TENM4: variants seen among roughly 807,000 people sequenced by gnomAD.
The protein encoded by TENM4 is teneurin-4.
A neutral mutation model predicts 243.3 loss-of-function variants in TENM4; 82 were observed. That is an observed-to-expected ratio of 0.34 (90% CI 0.28 to 0.40). The LOEUF (loss-of-function observed/expected upper bound fraction) is 0.40. TENM4 is among the 10% of genes least tolerant of loss of function. TENM4 has a pLI of 1.00. For synonymous variants in TENM4, 1,412 were observed against 1,456.3 expected, an observed-to-expected ratio of 0.97 and a Z score of 0.69; for missense variants, 3,138 against 3,673.3, an observed-to-expected ratio of 0.85 and a Z score of 3.77.
At chr11:79,337,596 CT>C (rs1320306120) in intron 1 of TENM4, among the ~76,000 whole-genome samples, 1 of 152,152 alleles carries the variant, frequency 6.6e-6, no homozygotes, top group East Asian at 1.9e-4. Flanking sequence ...CAGGACGGAC[CT>C]TCGCAAGGTA....
At position 78,981,547 on chromosome 11, in the gene TENM4, C is replaced by T. The variant is rs569462532; in HGVS notation, c.494-78024G>A. 3.2e-4 allele frequency among the ~76,000 whole-genome samples: 48 copies of T among 152,222 alleles called. 2 individuals are homozygous for T. The highest frequency in any genetic ancestry group is 1.2e-3 in the Admixed American group (19 of 15,276). ...CCCTTCCTCATGAGGGAATCTGGAC[C>T]ACCGGCCAATCTGATATGAGGAGAG... On this transcript the variant is annotated intron_variant, in intron 6 of 33. Coordinates refer to ENST00000278550, the MANE Select transcript of TENM4 (RefSeq NM_001098816.3).
At chr11:79,370,643 C>T (rs1857763537) in intron 1 of TENM4, among the ~76,000 whole-genome samples, 1 of 152,058 alleles carries the variant, frequency 6.6e-6, no homozygotes, top group Non-Finnish European at 1.5e-5. Flanking sequence ...ACCTGAGCCT[C>T]ATGCTCCTGT....
At chr11:79,044,856 G>A (rs185599776) in intron 6 of TENM4, among the ~76,000 whole-genome samples, 90 of 152,238 alleles carry the variant, frequency 5.9e-4, no homozygotes, top group African/African-American at 1.9e-3. Context: ...CTGATCCTAC[G>A]GATGCACTCA....
Position 79,362,700 on chromosome 11 carries a change from A to G in TENM4, c.-320-65157T>C, listed in dbSNP as rs562423903. 2.0e-5 allele frequency among the ~76,000 whole-genome samples: 3 copies of G among 152,336 alleles called. No individual in the cohort carries two copies. In the South Asian group the frequency reaches 6.2e-4, roughly 32 times the overall value. On this transcript the variant is annotated intron_variant, in intron 1 of 33. Transcript: ENST00000278550. ...CCAGCCAGACCTAGGTTCAAGTCCT[A>G]TTCTACTATTTTTGTAGCTCTGTGA...
chr11:78,955,122 A>G (rs954899089), intron 6 of TENM4, among the ~76,000 whole-genome samples: 1 of 152,238 alleles, frequency 6.6e-6, no homozygotes, highest in Non-Finnish European at 1.5e-5. Context: ...CCATCCATGA[A>G]CAAAGCCCAA....
At chr11:79,181,680 T>C (rs1435623841) in intron 3 of TENM4, among the ~76,000 whole-genome samples, 1 of 150,906 alleles carries the variant, frequency 6.6e-6, no homozygotes, top group Non-Finnish European at 1.5e-5. Context: ...TAATTGCCTA[T>C]GTAAAAGTCC....
chr11:79,071,386 C>T (rs1860411288), intron 4 of TENM4, among the ~76,000 whole-genome samples: 1 of 151,940 alleles, frequency 6.6e-6, no homozygotes, highest in Non-Finnish European at 1.5e-5. Flanking sequence ...AACATCAGAT[C>T]TCAGTGTCCA....
chr11:78,892,900 T>C (rs939956350), intron 7 of TENM4, among the ~76,000 whole-genome samples: 9 of 152,222 alleles, frequency 5.9e-5, no homozygotes, highest in African/African-American at 2.2e-4. Flanking sequence ...TTTATAACCC[T>C]GTCTCTCTCT....
At chr11:79,048,280 T>C (rs1003562423) in intron 6 of TENM4, among the ~76,000 whole-genome samples, 1 of 152,132 alleles carries the variant, frequency 6.6e-6, no homozygotes, top group African/African-American at 2.4e-5. Context: ...CACAAGAACA[T>C]TGTTCAAGCC....
chr11:78,899,333 C>G (rs961550067), intron 7 of TENM4, among the ~76,000 whole-genome samples: 2 of 152,036 alleles, frequency 1.3e-5, no homozygotes. Context: ...TAACTCACAC[C>G]TGTAGAACCA....
intron 1 of TENM4, among the ~76,000 whole-genome samples, chr11:79,306,920 T>C (rs1254091842): frequency 6.6e-6 from 1 of 152,184 alleles, no homozygotes; most frequent in Non-Finnish European, 1.5e-5. Flanking sequence ...AGACTCATCA[T>C]CACCACCACT....
chr11:79,175,911 C>A (rs1224784353), intron 3 of TENM4, among the ~76,000 whole-genome samples: 1 of 151,984 alleles, frequency 6.6e-6, no homozygotes, highest in Non-Finnish European at 1.5e-5. Flanking sequence ...ACAAGGAGAC[C>A]ATGTCTCTGC....
At position 78,669,583 on chromosome 11, in the gene TENM4, C is replaced by A. The variant is rs772097398; in HGVS notation, c.6762G>T (p.Lys2254Asn). ...RITRLGDVQY[K>N]MDEDGFLRQR... ...GCCTCAGGAAGCCATCCTCATCCAT[C>A]TTGTATTGCACGTCACCCAGCCGAG... The change falls in exon 32 of 34, where the codon AAG becomes AAT. Residue 2254 changes from lysine to asparagine, a missense_variant. By Grantham distance (94) the Lys-to-Asn change is moderately conservative (BLOSUM62 0). Coordinates refer to ENST00000278550, the MANE Select transcript of TENM4 (RefSeq NM_001098816.3). The surrounding 1 kb of genome is among the most constrained non-coding windows in gnomAD (Gnocchi z 6.4). The A allele has an allele frequency of 6.8e-6, 11 of 1,613,896 alleles. No individual in the cohort carries two copies. The highest frequency in any genetic ancestry group is 9.3e-6 in the Non-Finnish European group (11 of 1,179,910).
intron 14 of TENM4, among the ~76,000 whole-genome samples, chr11:78,808,307 G>A (rs899287305): frequency 2.6e-5 from 4 of 152,154 alleles, no homozygotes; most frequent in Admixed American, 6.5e-5. Context: ...TAAATAAGAC[G>A]ATCGGGGTTC....
chr11:79,126,393 C>G (rs1591301380), intron 4 of TENM4, among the ~76,000 whole-genome samples: 1 of 152,226 alleles, frequency 6.6e-6, no homozygotes, highest in South Asian at 2.1e-4. Context: ...GTGGGAACCA[C>G]AGTCACTCAA....
chr11:79,019,132 T>A (rs1031316496), intron 6 of TENM4, among the ~76,000 whole-genome samples: 10 of 152,236 alleles, frequency 6.6e-5, no homozygotes, highest in Non-Finnish European at 1.2e-4. Flanking sequence ...TCCATGCCTC[T>A]GTGAAAGCCA....
chr11:79,126,659 G>A (rs1861883804), intron 4 of TENM4, among the ~76,000 whole-genome samples: 1 of 152,112 alleles, frequency 6.6e-6, no homozygotes, highest in Non-Finnish European at 1.5e-5. Context: ...TAGGTCGAAT[G>A]GACAAAAGAC....
intron 1 of TENM4, among the ~76,000 whole-genome samples, chr11:79,346,390 G>A (rs1482942638): frequency 6.6e-6 from 1 of 152,124 alleles, no homozygotes; most frequent in Non-Finnish European, 1.5e-5. Context: ...AATGCAGACA[G>A]ATGCTTATCA....
chr11:78,786,774 G>C, intron 16 of TENM4, 124 bp downstream of exon 16: 1 of 1,366,952 alleles, frequency 7.3e-7, no homozygotes, highest in Non-Finnish European at 9.9e-7. Flanking sequence ...AATACCTCCA[G>C]ATGAAAGGAC....
Sources: gnomAD v4.1 joint callset for allele counts (sites outside exome capture counted in the v4.1 genomes callset) on GRCh38, gnomAD v4.1.1 for gene constraint, Gnocchi (gnomAD v3.1) non-coding constraint, MANE v1.5 for transcripts, NCBI Gene and HGNC (gene_info 2026-07-23, HGNC 2026-07-21) for gene names.